SP100: variants seen among roughly 807,000 people sequenced by gnomAD.
The protein encoded by SP100 is SP100 nuclear body protein.
Under a neutral mutation model 130.0 loss-of-function variants are expected in SP100, and 84 were observed. That is an observed-to-expected ratio of 0.65 (90% CI 0.54 to 0.77). The LOEUF is 0.77. SP100 is among the 30% of genes least tolerant of loss of function. The pLI is 0.00. For synonymous variants in SP100, 331 were observed against 351.7 expected (o/e 0.94, Z 0.66); for missense variants, 978 against 1,052.2 (o/e 0.93, Z 0.97).
chr2:230,531,777 T>C (rs1239102389), intron 24 of SP100, among the ~76,000 whole-genome samples: 1 of 152,110 alleles, frequency 6.6e-6, no homozygotes, highest in African/African-American at 2.4e-5. Context: ...ACAAAATGTA[T>C]AGTGGGTGTG....
Position 230,522,467 on chromosome 2 carries a change from C to T in SP100, c.2094+11301C>T, listed in dbSNP as rs1691215751. The stretch of plus-strand genomic sequence containing the variant: ...ATGTTCTCCTTTAGTGCTCTTTGGC[C>T]CCAGTGTTCTTTTTTTTTTTTTTTT... On this transcript the variant is annotated intron_variant, in intron 24 of 28. Coordinates refer to ENST00000340126, the MANE Select transcript of SP100 (RefSeq NM_001080391.2). Among the ~76,000 whole-genome samples the T allele has an allele frequency of 6.0e-5, 8 of 133,726 alleles. No homozygotes were observed. The South Asian group carries it at 2.0e-3, about 33-fold the overall frequency. 87.7% of individuals were successfully genotyped at this position (133,726 alleles called of 152,430 possible).
intron 24 of SP100, among the ~76,000 whole-genome samples, chr2:230,524,500 A>T (rs1691334600): frequency 6.6e-6 from 1 of 152,216 alleles, no homozygotes; most frequent in Admixed American, 6.5e-5. Flanking sequence ...GTTATTGGTG[A>T]AAATACCCAT....
chr2:230,504,316 T>G (rs766494511), intron 21 of SP100, 26 bp downstream of exon 21: 2 of 1,341,388 alleles, frequency 1.5e-6, no homozygotes, highest in Non-Finnish European at 2.1e-6. Context: ...CATCTACGAT[T>G]TTCAGCTGGA....
At chr2:230,490,381 T>G (rs577499671) in intron 17 of SP100, among the ~76,000 whole-genome samples, 6 of 152,308 alleles carry the variant, frequency 3.9e-5, no homozygotes, top group African/African-American at 1.4e-4. Flanking sequence ...TTTGAGCCTA[T>G]GCATGTCTTT....
chr2:230,512,276 C>CT lies in SP100; in HGVS notation c.2094+1141dup, dbSNP rs34753799. ...GGGAGTTTTTAACAAATTGAAATGC[C>CT]TTTTTTTTTTTTTTTTTTTTTTTTT... On this transcript the variant is annotated intron_variant, in intron 24 of 28. Coordinates refer to ENST00000340126, the MANE Select transcript of SP100 (RefSeq NM_001080391.2). Among the ~76,000 whole-genome samples the CT allele has an allele frequency of 7.1e-3, 540 of 76,134 alleles. 51 individuals are homozygous for CT. Among genetic ancestry groups the CT allele is most frequent in the East Asian group, 0.02 (48 of 2,380 alleles). 49.9% of individuals were successfully genotyped at this position (76,134 alleles called of 152,430 possible).
intron 2 of SP100, among the ~76,000 whole-genome samples, chr2:230,419,306 C>A (rs1430332784): frequency 2.0e-5 from 3 of 152,198 alleles, no homozygotes; most frequent in Non-Finnish European, 4.4e-5. Context: ...GTGATGAAAT[C>A]TCATGCTGTC....
Position 230,533,559 on chromosome 2 carries a change from G to A in SP100, c.2095-5708G>A, listed in dbSNP as rs541888385. On this transcript the variant is annotated intron_variant, in intron 24 of 28. Coordinates refer to ENST00000340126, the MANE Select transcript of SP100 (RefSeq NM_001080391.2). ...AAGGCACCTACTTCTGCTAAATCTT[G>A]AACATTACCCTAGTTTAAGCCTCAT... Among the ~76,000 whole-genome samples the A allele has an allele frequency of 6.6e-5, 10 of 152,240 alleles. No homozygotes were observed. In the South Asian group the frequency reaches 2.1e-3, roughly 32 times the overall value.
At chr2:230,417,710 T>A in intron 2 of SP100, 45 bp downstream of exon 2, 1 of 1,586,290 alleles carries the variant, frequency 6.3e-7, no homozygotes, top group Non-Finnish European at 8.6e-7. Context: ...GTATTTTCCT[T>A]ACGATGGGAA....
chr2:230,530,284 C>A (rs1691641076), intron 24 of SP100, among the ~76,000 whole-genome samples: 2 of 152,194 alleles, frequency 1.3e-5, no homozygotes, highest in Admixed American at 1.3e-4. Context: ...CACACATCTA[C>A]AACCATCTGA....
chr2:230,463,063 T>C (rs2064750090), intron 10 of SP100, among the ~76,000 whole-genome samples: 1 of 152,236 alleles, frequency 6.6e-6, no homozygotes, highest in Non-Finnish European at 1.5e-5. Flanking sequence ...CATTTAGTGA[T>C]TTTTTGAAAG....
intron 19 of SP100, among the ~76,000 whole-genome samples, chr2:230,501,011 G>A (rs2066988641): frequency 6.6e-6 from 1 of 152,172 alleles, no homozygotes; most frequent in African/African-American, 2.4e-5. Flanking sequence ...GGGAGGCTGA[G>A]GCAGGTGGAT....
intron 24 of SP100, among the ~76,000 whole-genome samples, chr2:230,518,946 T>C (rs1053711327): frequency 6.6e-6 from 1 of 152,218 alleles, no homozygotes; most frequent in African/African-American, 2.4e-5. Flanking sequence ...TAAGTCAGTC[T>C]GTTACTACAG....
intron 17 of SP100, among the ~76,000 whole-genome samples, chr2:230,488,076 A>C (rs2066201051): frequency 6.6e-6 from 1 of 152,066 alleles, no homozygotes; most frequent in South Asian, 2.1e-4. Flanking sequence ...CAATTTAAGG[A>C]GTTTTGGGGC....
rs1692270916 is a variant in SP100 at position 230,544,982 on chromosome 2, T to C, written c.*2036T>C. Among the ~76,000 whole-genome samples, 1 of 152,220 alleles carries C rather than the reference T, an allele frequency of 6.6e-6. No individual in the cohort carries two copies. The highest frequency in any genetic ancestry group is 6.5e-5 in the Admixed American group (1 of 15,284). Reference sequence around the variant, plus strand: ...AAAGGGAACATTTATACACTATTGATGGGAGTGTAAATTAGTTCAACCACT... The same window carrying C: ...AAAGGGAACATTTATACACTATTGACGGGAGTGTAAATTAGTTCAACCACT... On this transcript the variant is annotated 3_prime_UTR_variant, in exon 29 of 29. Transcript: ENST00000340126.
intron 24 of SP100, among the ~76,000 whole-genome samples, chr2:230,522,847 C>G (rs1418149178): frequency 6.6e-6 from 1 of 151,846 alleles, no homozygotes; most frequent in Non-Finnish European, 1.5e-5. Flanking sequence ...CAGAGTCTCG[C>G]TCTGTTGCCC....
chr2:230,522,869 C>T (rs144903401), intron 24 of SP100, among the ~76,000 whole-genome samples: 92 of 151,646 alleles, frequency 6.1e-4, no homozygotes, highest in African/African-American at 2.1e-3. Flanking sequence ...GGTTGGAGTG[C>T]AGTGGTGCCA....
At chr2:230,432,431 ATTATG>A (rs1363253331) in intron 2 of SP100, among the ~76,000 whole-genome samples, 1 of 152,158 alleles carries the variant, frequency 6.6e-6, no homozygotes, top group Non-Finnish European at 1.5e-5. Flanking sequence ...CTATAGTAGC[ATTATG>A]TTTCACTTTT....
Position 230,442,939 on chromosome 2 carries a change from T to C in SP100, c.110T>C (p.Met37Thr). 1 of 1,612,882 alleles carries C rather than the reference T, an allele frequency of 6.2e-7. No individual in the cohort carries two copies. The highest frequency in any genetic ancestry group is 8.5e-7 in the Non-Finnish European group (1 of 1,179,566). ...CACATGGTGTCCTTTTTCCCTAGGA[T>C]GTTCACGGAAGACCAGGGTGTAGAT... ...LPAHSHDLQRMFTEDQGVDDR... is the reference protein window; with the variant it reads ...LPAHSHDLQRTFTEDQGVDDR... Residue 37 changes from methionine to threonine, a missense_variant and splice_region_variant, in exon 3 of 29, where the codon ATG (methionine) becomes ACG (threonine). Met to Thr is a moderately conservative substitution (Grantham distance 81, BLOSUM62 -1). Transcript: ENST00000340126.
chr2:230,431,707 A>G (rs1415417399), intron 2 of SP100, among the ~76,000 whole-genome samples: 1 of 151,576 alleles, frequency 6.6e-6, no homozygotes, highest in Admixed American at 6.6e-5. Flanking sequence ...CTTTCTTTCT[A>G]TTCTCTTCTG....
Sources: allele counts gnomAD v4.1 joint callset (sites outside exome capture counted in the v4.1 genomes callset), GRCh38; gene constraint gnomAD v4.1.1; transcripts MANE v1.5; gene names NCBI Gene and HGNC (gene_info 2026-07-23, HGNC 2026-07-21).